Variants in ARK2C observed in about 807,000 individuals in gnomAD.
The protein encoded by ARK2C is E3 ubiquitin-protein ligase ARK2C.
chr18:46,414,394 C>T, the ARK2C span, among the ~76,000 whole-genome samples: 1 of 152,238 alleles, frequency 6.6e-6, no homozygotes, highest in African/African-American at 2.4e-5. Flanking sequence ...CCCCAGCAGG[C>T]CATGGGGCAG....
chr18:46,405,873 C>A, the ARK2C span, among the ~76,000 whole-genome samples: 18 of 152,192 alleles, frequency 1.2e-4, no homozygotes, highest in South Asian at 3.3e-3. Flanking sequence ...GGGAAGCCAT[C>A]CCCTGTATCA....
chr18:46,376,070 T>A, the ARK2C span, among the ~76,000 whole-genome samples: 1 of 152,168 alleles, frequency 6.6e-6, no homozygotes, highest in Non-Finnish European at 1.5e-5. Context: ...CCCGGGGTCA[T>A]CACAGCAAGC....
At chr18:46,426,657 T>C in the ARK2C span, among the ~76,000 whole-genome samples, 1 of 152,220 alleles carries the variant, frequency 6.6e-6, no homozygotes, top group Non-Finnish European at 1.5e-5. Context: ...AAGATGCACA[T>C]TTTTCTTCTG....
the ARK2C span, chr18:46,450,610 C>T: frequency 6.0e-6 from 6 of 997,962 alleles, no homozygotes; most frequent in African/African-American, 7.9e-5. Flanking sequence ...GTGAATGCTT[C>T]CTGCTCATGT....
At chr18:46,460,644 C>A in the ARK2C span, 2 of 152,362 alleles carry the variant, frequency 1.3e-5, no homozygotes, top group Admixed American at 1.3e-4. Context: ...CGATGACAAA[C>A]AACTACGAAT....
At chr18:46,418,000 A>T in the ARK2C span, among the ~76,000 whole-genome samples, 35 of 109,026 alleles carry the variant, frequency 3.2e-4, no homozygotes, top group African/African-American at 1.0e-3. Context: ...CAAGACTCTT[A>T]AAAAAAAAAA....
chr18:46,440,677 T>C, the ARK2C span, among the ~76,000 whole-genome samples: 1 of 152,178 alleles, frequency 6.6e-6, no homozygotes, highest in African/African-American at 2.4e-5. Flanking sequence ...TAATCAAATA[T>C]CTAGCCAGTA....
At chr18:46,450,516 G>T in the ARK2C span, 1 of 894,978 alleles carries the variant, frequency 1.1e-6, no homozygotes, top group South Asian at 1.4e-5. Flanking sequence ...AAGCTTCAGG[G>T]TTAAGAGTAA....
chr18:46,432,288 A>T, the ARK2C span, among the ~76,000 whole-genome samples: 2 of 152,220 alleles, frequency 1.3e-5, no homozygotes, highest in Non-Finnish European at 2.9e-5. Context: ...GCCTGAACCC[A>T]GCTTATACCT....
chr18:46,442,797 A>G, the ARK2C span, among the ~76,000 whole-genome samples: 1 of 152,048 alleles, frequency 6.6e-6, no homozygotes, highest in South Asian at 2.1e-4. Flanking sequence ...CAGTTCTGTC[A>G]GTTTTTGCTT....
chr18:46,422,574 G>T, the ARK2C span, among the ~76,000 whole-genome samples: 2 of 152,246 alleles, frequency 1.3e-5, no homozygotes, highest in African/African-American at 4.8e-5. Flanking sequence ...CCCAAGACTT[G>T]CTCTCTCCTT....
At chr18:46,438,915 A>G in the ARK2C span, among the ~76,000 whole-genome samples, 38 of 152,296 alleles carry the variant, frequency 2.5e-4, no homozygotes, top group Admixed American at 3.3e-4. Context: ...TGTTATCATC[A>G]TCTTAGAGAT....
chr18:46,370,718 T>C, the ARK2C span, among the ~76,000 whole-genome samples: 8 of 152,186 alleles, frequency 5.3e-5, no homozygotes, highest in Non-Finnish European at 1.0e-4. Flanking sequence ...CTCGTTCTCT[T>C]GAGCCACTCT....
chr18:46,355,965 G>A, the ARK2C span, among the ~76,000 whole-genome samples: 1 of 152,182 alleles, frequency 6.6e-6, no homozygotes, highest in Non-Finnish European at 1.5e-5. Context: ...AGGCATGGCT[G>A]AGGGATGGGG....
At chr18:46,360,337 C>A in the ARK2C span, among the ~76,000 whole-genome samples, 1 of 152,328 alleles carries the variant, frequency 6.6e-6, no homozygotes, top group South Asian at 2.1e-4. Flanking sequence ...AGAGGGTGCT[C>A]CCCTGCAACA....
At chr18:46,385,538 C>T in the ARK2C span, among the ~76,000 whole-genome samples, 1 of 152,170 alleles carries the variant, frequency 6.6e-6, no homozygotes, top group Non-Finnish European at 1.5e-5. Context: ...TCCAAATCCC[C>T]CAGATTCTGC....
At chr18:46,405,561 C>T in the ARK2C span, among the ~76,000 whole-genome samples, 4 of 151,934 alleles carry the variant, frequency 2.6e-5, no homozygotes, top group Admixed American at 1.3e-4. Context: ...AGAGAGAGGG[C>T]GAAGGAGACA....
the ARK2C span, among the ~76,000 whole-genome samples, chr18:46,348,473 G>A: frequency 2.6e-5 from 4 of 152,170 alleles, no homozygotes; most frequent in Non-Finnish European, 5.9e-5. Flanking sequence ...AGAAAGTGAG[G>A]TAGGAGTTTC....
At chr18:46,403,162 T>C in the ARK2C span, among the ~76,000 whole-genome samples, 2 of 152,258 alleles carry the variant, frequency 1.3e-5, no homozygotes, top group African/African-American at 4.8e-5. Context: ...GGTTCGTCTG[T>C]GCTTCCAGGC....
Sources: allele counts gnomAD v4.1 joint callset (sites outside exome capture counted in the v4.1 genomes callset), GRCh38; gene constraint gnomAD v4.1.1; transcripts MANE v1.5; gene names NCBI Gene and HGNC (gene_info 2026-07-23, HGNC 2026-07-21).